The following LRP1B variants were observed in gnomAD, a reference collection of about 807,000 sequenced individuals.
LRP1B encodes the protein low-density lipoprotein receptor-related protein 1B.
In LRP1B, 217 loss-of-function variants were observed where a neutral mutation model predicts 556.6. That is an observed-to-expected ratio of 0.39 (90% CI 0.35 to 0.44). LRP1B has a LOEUF of 0.44. Ranked by LOEUF, LRP1B falls within the 20% of genes least tolerant of loss-of-function variation. LRP1B has a pLI of 1.00. For missense variants in LRP1B, 5,053 were observed against 5,620.8 expected (o/e 0.90, Z 3.23); for synonymous variants, 2,047 against 1,865.8 (o/e 1.10, Z -2.50).
chr2:141,903,817 A>C (rs906698528), intron 1 of LRP1B, among the ~76,000 whole-genome samples: 6 of 151,996 alleles, frequency 3.9e-5, no homozygotes, highest in African/African-American at 1.4e-4. Context: ...TATTATAAAG[A>C]AACAAGTAAT....
intron 41 of LRP1B, chr2:140,683,924 CT>C (rs1233129864): frequency 1.1e-5 from 5 of 458,044 alleles, no homozygotes; most frequent in South Asian, 5.1e-5. Flanking sequence ...GCTTGCCCCC[CT>C]GGATGTTGTG....
intron 6 of LRP1B, among the ~76,000 whole-genome samples, chr2:141,207,159 A>T (rs916703350): frequency 2.0e-5 from 3 of 152,142 alleles, no homozygotes; most frequent in Non-Finnish European, 4.4e-5. Context: ...CCCTTATCTC[A>T]TTTAACAATT....
At chr2:141,797,764 C>T (rs1695871720) in intron 2 of LRP1B, among the ~76,000 whole-genome samples, 1 of 152,086 alleles carries the variant, frequency 6.6e-6, no homozygotes, top group African/African-American at 2.4e-5. Flanking sequence ...ACCAACCTAT[C>T]TTTTGATTAA....
intron 20 of LRP1B, among the ~76,000 whole-genome samples, chr2:140,923,999 A>T (rs1157079369): frequency 6.6e-6 from 1 of 152,076 alleles, no homozygotes; most frequent in Non-Finnish European, 1.5e-5. Context: ...ATTTCCAAAT[A>T]TTACAGTAAA....
At chr2:141,485,088 A>G (rs4427952) in intron 2 of LRP1B, among the ~76,000 whole-genome samples, 145,866 of 152,210 alleles carry the variant, frequency 0.96, 70,209 homozygotes, top group South Asian at 1. Flanking sequence ...CAAAGACAAC[A>G]TATAGAATTA....
intron 51 of LRP1B, among the ~76,000 whole-genome samples, chr2:140,511,752 A>G (rs1354760579): frequency 6.6e-6 from 1 of 152,184 alleles, no homozygotes; most frequent in Admixed American, 6.5e-5. Context: ...GGAGTTTAAC[A>G]TTTTATGTAG....
chr2:141,005,099 T>C (rs1284244196), intron 15 of LRP1B, among the ~76,000 whole-genome samples: 2 of 152,054 alleles, frequency 1.3e-5, no homozygotes, highest in Admixed American at 6.6e-5. Flanking sequence ...TATACTTATT[T>C]AATTTTTTTA....
At chr2:140,743,089 G>A (rs1688193564) in intron 35 of LRP1B, among the ~76,000 whole-genome samples, 1 of 152,072 alleles carries the variant, frequency 6.6e-6, no homozygotes. Context: ...AACAGTATTT[G>A]CCAAAATAAC....
At chr2:141,677,652 G>A (rs950117706) in intron 2 of LRP1B, among the ~76,000 whole-genome samples, 17 of 152,150 alleles carry the variant, frequency 1.1e-4, no homozygotes, top group Admixed American at 4.6e-4. Context: ...ACCATGCCCC[G>A]TTAATTTTGT....
intron 90 of LRP1B, 91 bp downstream of exon 90, chr2:140,234,695 T>G: frequency 1.6e-6 from 1 of 619,946 alleles, no homozygotes; most frequent in East Asian, 2.6e-5. Flanking sequence ...AAAACTTAAT[T>G]AAAAACAAGC....
intron 7 of LRP1B, among the ~76,000 whole-genome samples, chr2:141,085,934 C>T (rs1412575723): frequency 6.6e-6 from 1 of 152,068 alleles, no homozygotes; most frequent in Non-Finnish European, 1.5e-5. Context: ...GATAAAATGC[C>T]CAAGGATATA....
intron 1 of LRP1B, among the ~76,000 whole-genome samples, chr2:141,976,916 G>A (rs1221172975): frequency 3.9e-5 from 6 of 152,088 alleles, no homozygotes; most frequent in African/African-American, 1.4e-4. Context: ...AAAATAAAAT[G>A]GGGAAGACAA....
chr2:141,522,983 TCTC>T (rs1393089581), intron 2 of LRP1B, among the ~76,000 whole-genome samples: 4 of 152,120 alleles, frequency 2.6e-5, no homozygotes, highest in Non-Finnish European at 5.9e-5. Context: ...GCTTCAGTGA[TCTC>T]CTCTGTCCTG....
chr2:141,878,198 G>A (rs1218043464), intron 1 of LRP1B, among the ~76,000 whole-genome samples: 2 of 151,708 alleles, frequency 1.3e-5, no homozygotes, highest in Admixed American at 6.6e-5. Flanking sequence ...TAGAGCTATA[G>A]AGCACAAGAT....
intron 1 of LRP1B, among the ~76,000 whole-genome samples, chr2:142,120,826 G>C (rs1376974053): frequency 6.6e-6 from 1 of 151,908 alleles, no homozygotes; most frequent in Non-Finnish European, 1.5e-5. Flanking sequence ...GCAAACACAG[G>C]GTGTTAGGAA....
At chr2:140,456,194 G>A (rs1001090166) in intron 62 of LRP1B, among the ~76,000 whole-genome samples, 4 of 152,046 alleles carry the variant, frequency 2.6e-5, no homozygotes, top group Non-Finnish European at 4.4e-5. Context: ...ACCCACTTAG[G>A]ATTTGAGTCA....
intron 2 of LRP1B, among the ~76,000 whole-genome samples, chr2:141,680,594 C>T (rs1691066634): frequency 6.6e-6 from 1 of 152,048 alleles, no homozygotes; most frequent in Admixed American, 6.6e-5. Context: ...ATATTTTCAA[C>T]TTAGGACTCT....
chr2:141,876,903 C>G (rs564002975), intron 1 of LRP1B, among the ~76,000 whole-genome samples: 59 of 151,966 alleles, frequency 3.9e-4, no homozygotes, highest in Non-Finnish European at 8.2e-4. Flanking sequence ...CAGGTTCTAC[C>G]ATAGACTTTG....
intron 41 of LRP1B, among the ~76,000 whole-genome samples, chr2:140,693,724 G>A (rs1479237371): frequency 2.0e-5 from 3 of 150,244 alleles, no homozygotes; most frequent in South Asian, 2.1e-4. Context: ...GTGGCGGGGG[G>A]GCGTGGAGAG....
Sources: allele counts gnomAD v4.1 joint callset (sites outside exome capture counted in the v4.1 genomes callset), GRCh38; gene constraint gnomAD v4.1.1; transcripts MANE v1.5; gene names NCBI Gene and HGNC (gene_info 2026-07-23, HGNC 2026-07-21).